CCDC83: variants seen among roughly 807,000 people sequenced by gnomAD.
CCDC83 encodes coiled-coil domain-containing protein 83.
CCDC83 carries 54 observed loss-of-function variants against 50.1 expected under a neutral mutation model. The observed-to-expected ratio is 1.08, with a 90% CI of 0.87 to 1.35. The LOEUF (loss-of-function observed/expected upper bound fraction) is 1.35. Among genes scored for constraint, CCDC83 ranks in the 40% most tolerant of loss-of-function variants. The pLI, the probability that CCDC83 is intolerant of heterozygous loss-of-function variation, is 0.00. For synonymous variants in CCDC83, 161 were observed against 153.3 expected (o/e 1.05, Z -0.37); for missense variants, 518 against 473.9 (o/e 1.09, Z -0.86).
chr11:85,918,281 G>A (rs1025714481), intron 10 of CCDC83, among the ~76,000 whole-genome samples: 9 of 152,102 alleles, frequency 5.9e-5, no homozygotes, highest in Non-Finnish European at 1.0e-4. Context: ...TAGAAGACAG[G>A]TAAGAAAATC....
intron 7 of CCDC83, among the ~76,000 whole-genome samples, chr11:85,904,348 T>C (rs1451392526): frequency 3.3e-5 from 5 of 152,228 alleles, no homozygotes; most frequent in African/African-American, 1.2e-4. Context: ...GTTTGAACTC[T>C]AGCAGGTAAT....
rs1242875219 is a variant in CCDC83, at chr11:85,855,499, A to T, written c.-114A>T. ...GGGCAGGCCTTTTTAATCTGATCAG[A>T]ATGTTAACCCATCTCTCCGCCTTGC... On this transcript the variant is annotated 5_prime_UTR_variant, in exon 1 of 11. Transcript: ENST00000342404. The T allele has an allele frequency of 6.6e-6, 1 of 152,208 alleles. No homozygotes were observed. Among genetic ancestry groups the T allele is most frequent in the East Asian group, 1.9e-4 (1 of 5,184 alleles). 9.4% of individuals were successfully genotyped at this position (152,208 alleles called of 1,614,324 possible).
Position 85,919,505 on chromosome 11 carries a change from C to T in CCDC83, c.1237C>T (p.Leu413Phe). The T allele has an allele frequency of 1.2e-6, 2 of 1,603,956 alleles. No homozygotes were observed. Among genetic ancestry groups the T allele is most frequent in the Admixed American group, 1.7e-5 (1 of 57,562 alleles). ...HITYKMMKSF[L>F] ...CACATATAAGATGATGAAGTCTTTTCTCTAAGACGGAAAGCTGCAAAGGAA... is the reference window on the plus strand; with the variant it reads ...CACATATAAGATGATGAAGTCTTTTTTCTAAGACGGAAAGCTGCAAAGGAA... The change falls in exon 11 of 11, where the codon CTC (leucine) becomes TTC (phenylalanine). Residue 413 changes from leucine to phenylalanine, a missense_variant. Coordinates refer to ENST00000342404, the MANE Select transcript of CCDC83 (RefSeq NM_001286159.2).
intron 2 of CCDC83, among the ~76,000 whole-genome samples, chr11:85,870,995 C>T (rs1202539317): frequency 3.9e-5 from 6 of 151,984 alleles, no homozygotes; most frequent in East Asian, 1.9e-4. Context: ...GGTGAAACCT[C>T]GTCTCTGCAA....
At chr11:85,876,144 C>A (rs1485245093) in intron 3 of CCDC83, among the ~76,000 whole-genome samples, 1 of 152,184 alleles carries the variant, frequency 6.6e-6, no homozygotes, top group Admixed American at 6.5e-5. Flanking sequence ...ATTTTTCATT[C>A]ACTGCTCTTT....
intron 2 of CCDC83, among the ~76,000 whole-genome samples, chr11:85,870,419 G>A (rs899219557): frequency 6.6e-6 from 1 of 152,190 alleles, no homozygotes; most frequent in Non-Finnish European, 1.5e-5. Flanking sequence ...AATTATGTCA[G>A]TAATTTGCAC....
intron 6 of CCDC83, among the ~76,000 whole-genome samples, chr11:85,896,400 C>CAAAAAAAAAAAAAAAAAAAAAAAAAAAAA (rs58450617): frequency 2.0e-5 from 1 of 50,504 alleles, no homozygotes; most frequent in Non-Finnish European, 3.7e-5. Context: ...GACCTTGTCT[C>CAAAAAAAAAAAAAAAAAAAAAAAAAAAAA]AAAAAAAAAA....
intron 1 of CCDC83, among the ~76,000 whole-genome samples, chr11:85,863,849 A>C (rs1415885272): frequency 6.6e-6 from 1 of 152,256 alleles, no homozygotes; most frequent in Non-Finnish European, 1.5e-5. Flanking sequence ...CTGGAGCAAC[A>C]ACTGAAGGGA....
In CCDC83 at chr11:85,916,252, CA is replaced by C. The variant is rs921568875; in HGVS notation, c.1080+21del. 1.9e-5 allele frequency: 29 copies of C among 1,503,282 alleles called. No individual in the cohort carries two copies. The highest frequency in any genetic ancestry group is 2.6e-5 in the Non-Finnish European group (28 of 1,088,870). 93.1% of individuals were successfully genotyped at this position (1,503,282 alleles called of 1,614,324 possible). On this transcript the variant is annotated intron_variant, in intron 10 of 10. Coordinates refer to ENST00000342404, the MANE Select transcript of CCDC83 (RefSeq NM_001286159.2). Reference sequence around the variant, plus strand: ...TTTCAAGGTAAGATTCATAACAACACAACTTTGACTACTAAGAAAATGCTGT... The same window carrying C: ...TTTCAAGGTAAGATTCATAACAACACACTTTGACTACTAAGAAAATGCTGT...
chr11:85,893,769 A>G lies in CCDC83; in HGVS notation c.512-1524A>G, dbSNP rs558147680. 7.9e-5 allele frequency among the ~76,000 whole-genome samples: 12 copies of G among 152,310 alleles called. No individual in the cohort carries two copies. In the South Asian group the frequency reaches 2.5e-3, roughly 32 times the overall value. Reference sequence around the variant, plus strand: ...GGGATCTAGGCTGCATGCTCCTTATAAGAATCTAATGACTAATGATCTGTC... The same window carrying G: ...GGGATCTAGGCTGCATGCTCCTTATGAGAATCTAATGACTAATGATCTGTC... On this transcript the variant is annotated intron_variant, in intron 5 of 10. Transcript: ENST00000342404.
At chr11:85,910,590 T>C (rs367863891) in intron 7 of CCDC83, among the ~76,000 whole-genome samples, 2 of 152,360 alleles carry the variant, frequency 1.3e-5, no homozygotes, top group East Asian at 3.9e-4. Flanking sequence ...CTAACTTAGC[T>C]ACTAATATGC....
intron 1 of CCDC83, among the ~76,000 whole-genome samples, chr11:85,858,632 T>A (rs1366599849): frequency 1.3e-5 from 2 of 152,212 alleles, no homozygotes; most frequent in Admixed American, 1.3e-4. Context: ...CAGGGAACTA[T>A]GAATTCAATG....
chr11:85,891,603 C>T (rs1289028987), intron 5 of CCDC83, among the ~76,000 whole-genome samples: 1 of 152,114 alleles, frequency 6.6e-6, no homozygotes, highest in African/African-American at 2.4e-5. Context: ...TCTTTGTACA[C>T]TAACAGTGAA....
chr11:85,895,516 G>A (rs2093370284), intron 6 of CCDC83, 132 bp downstream of exon 6: 5 of 562,306 alleles, frequency 8.9e-6, no homozygotes, highest in African/African-American at 2.0e-5. Flanking sequence ...AATAATGGCT[G>A]TAACATAATA....
chr11:85,903,957 A>G (rs2093413790), intron 7 of CCDC83, among the ~76,000 whole-genome samples: 1 of 152,038 alleles, frequency 6.6e-6, no homozygotes, highest in African/African-American at 2.4e-5. Context: ...ACACAGCGAG[A>G]CTCTGTCTTA....
At chr11:85,898,516 C>T (rs10501600) in intron 6 of CCDC83, among the ~76,000 whole-genome samples, 86,264 of 152,034 alleles carry the variant, frequency 0.57, 24,840 homozygotes, top group African/African-American at 0.58. Flanking sequence ...CAAATAAGTA[C>T]GTTGTTATTA....
At chr11:85,916,712 T>A (rs2093478621) in intron 10 of CCDC83, 1 of 156,196 alleles carries the variant, frequency 6.4e-6, no homozygotes, top group African/African-American at 2.4e-5. Flanking sequence ...CTGGCTAAAC[T>A]GAGGGCCTCA....
intron 7 of CCDC83, among the ~76,000 whole-genome samples, chr11:85,904,927 G>A (rs2093418245): frequency 6.6e-6 from 1 of 152,060 alleles, no homozygotes; most frequent in South Asian, 2.1e-4. Context: ...TCATTATTAA[G>A]TCATGGTGAA....
chr11:85,860,996 GA>G (rs895822207), intron 1 of CCDC83, among the ~76,000 whole-genome samples: 27 of 99,116 alleles, frequency 2.7e-4, no homozygotes, highest in South Asian at 5.0e-4. Flanking sequence ...AAATTGTGGG[GA>G]AAAAAAAAAG....
Sources: gnomAD v4.1 joint callset for allele counts (sites outside exome capture counted in the v4.1 genomes callset) on GRCh38, gnomAD v4.1.1 for gene constraint, MANE v1.5 for transcripts, NCBI Gene and HGNC (gene_info 2026-07-23, HGNC 2026-07-21) for gene names.